Variants in STX1B observed in about 807,000 individuals in gnomAD.
The protein encoded by STX1B is syntaxin 1B.
In STX1B, 7 loss-of-function variants were observed where a neutral mutation model predicts 39.4. That is an observed-to-expected ratio of 0.18 (90% CI 0.10 to 0.33). The LOEUF (loss-of-function observed/expected upper bound fraction) is 0.33. Ranked by LOEUF, STX1B falls within the 10% of genes least tolerant of loss-of-function variation. STX1B has a pLI of 1.00. For missense variants in STX1B, 198 were observed against 383.2 expected, an observed-to-expected ratio of 0.52 and a Z score of 4.04; for synonymous variants, 136 against 144.1, an observed-to-expected ratio of 0.94 and a Z score of 0.40.
In STX1B at chr16:30,992,707, C is replaced by T; in HGVS notation, c.*114G>A. ...GGGTCTGCCGTGGGGGTGGGGCTGC[C>T]TGGGTCTGTTTTGGGAGTGAGCCTG... On this transcript the variant is annotated 3_prime_UTR_variant, in exon 10 of 10. Coordinates refer to ENST00000215095, the MANE Select transcript of STX1B (RefSeq NM_052874.5). 1.1e-5 allele frequency: 3 copies of T among 270,280 alleles called. No homozygotes were observed. Among genetic ancestry groups the T allele is most frequent in the Non-Finnish European group, 6.6e-6 (1 of 152,448 alleles). 16.7% of individuals were successfully genotyped at this position (270,280 alleles called of 1,614,324 possible). A position where few individuals can be genotyped will look rare whatever the true frequency, so the allele number is the denominator to read the frequency against.
At chr16:31,003,113 TG>T (rs997798994) in intron 1 of STX1B, among the ~76,000 whole-genome samples, 1 of 152,100 alleles carries the variant, frequency 6.6e-6, no homozygotes, top group Non-Finnish European at 1.5e-5. Flanking sequence ...CAGCACAGCC[TG>T]GGGGGCCTCC....
At chr16:30,993,979 T>G (rs2056577058) in intron 7 of STX1B, among the ~76,000 whole-genome samples, 1 of 132,256 alleles carries the variant, frequency 7.6e-6, no homozygotes, top group South Asian at 2.4e-4. Flanking sequence ...AGAGTGAAAT[T>G]CCATCTCAAA....
chr16:31,001,485 T>TGATGGG lies in STX1B; in HGVS notation c.105+43_105+44insCCCATC, dbSNP rs1567379613. ...GGTGGGACTAGGGGCTGGGGCTGGG[T>TGATGGG]GCTGGGGCTGGGGCTGGGGCTGGGG... On this transcript the variant is annotated intron_variant, in intron 2 of 9. Coordinates refer to ENST00000215095, the MANE Select transcript of STX1B (RefSeq NM_052874.5). The surrounding 1 kb of genome is among the most constrained non-coding windows in gnomAD (Gnocchi z 5.5). 1.5e-6 allele frequency: 2 copies of TGATGGG among 1,366,092 alleles called. No individual in the cohort carries two copies. Among genetic ancestry groups the TGATGGG allele is most frequent in the Non-Finnish European group, 2.0e-6 (2 of 1,017,004 alleles). 84.6% of individuals were successfully genotyped at this position (1,366,092 alleles called of 1,614,324 possible).
chr16:31,000,000 C>CT (rs957640442), intron 4 of STX1B, among the ~76,000 whole-genome samples: 5,600 of 140,644 alleles, frequency 0.04, 215 homozygotes, highest in African/African-American at 0.1. Context: ...TGGCAAAGTT[C>CT]TTTTTTTTTT....
chr16:30,994,600 AAAAG>A (rs1380236157), intron 7 of STX1B, among the ~76,000 whole-genome samples: 2 of 139,386 alleles, frequency 1.4e-5, no homozygotes, highest in Non-Finnish European at 3.1e-5. Context: ...AAAAAAAAAA[AAAAG>A]AAAGCCAGTG....
At chr16:31,007,935 G>A (rs938856243) in intron 1 of STX1B, among the ~76,000 whole-genome samples, 1 of 152,180 alleles carries the variant, frequency 6.6e-6, no homozygotes, top group African/African-American at 2.4e-5. Context: ...CTTGCCCAAG[G>A]TCTCACAGGA....
intron 1 of STX1B, among the ~76,000 whole-genome samples, chr16:31,008,313 A>G (rs1209717824): frequency 7.7e-6 from 1 of 130,340 alleles, no homozygotes; most frequent in East Asian, 2.4e-4. Context: ...CAGCCCCTTC[A>G]CCCTTCCACA....
chr16:30,994,463 G>A (rs190377084), intron 7 of STX1B, among the ~76,000 whole-genome samples: 86 of 147,562 alleles, frequency 5.8e-4, no homozygotes, highest in African/African-American at 2.1e-3. Flanking sequence ...GCATGGTGGC[G>A]CCTGTGGTCC....
At chr16:30,994,592 A>T (rs1291066914) in intron 7 of STX1B, among the ~76,000 whole-genome samples, 7 of 144,428 alleles carry the variant, frequency 4.8e-5, no homozygotes, top group African/African-American at 1.8e-4. Context: ...CATGCTGAAA[A>T]AAAAAAAAAA....
intron 1 of STX1B, among the ~76,000 whole-genome samples, chr16:31,005,053 G>A (rs1041466736): frequency 1.3e-5 from 2 of 152,192 alleles, no homozygotes; most frequent in East Asian, 3.8e-4. Context: ...GAAGAGCTTG[G>A]ACAGGAGGCC....
intron 9 of STX1B, 58 bp from the exon 10 acceptor site, chr16:30,992,959 G>A (rs1319232946): frequency 6.8e-7 from 1 of 1,475,422 alleles, no homozygotes; most frequent in Non-Finnish European, 9.5e-7. Flanking sequence ...CACACGGACA[G>A]ATGCAGGGAC....
intron 4 of STX1B, among the ~76,000 whole-genome samples, chr16:30,998,516 C>T (rs970571123): frequency 1.3e-5 from 2 of 152,194 alleles, no homozygotes; most frequent in South Asian, 2.1e-4. Context: ...GGGTCAAGTC[C>T]GGAGGGAGGG....
rs965073699 is a variant in STX1B at position 31,001,101 on chromosome 16, T to G, written c.198A>C (p.Pro66=). The G allele has an allele frequency of 1.4e-5, 22 of 1,614,082 alleles. No homozygotes were observed. Among genetic ancestry groups the G allele is most frequent in the Non-Finnish European group, 1.3e-5 (15 of 1,180,030 alleles). ...ACCGGCAGCCACACTCACTCTCATC[T>G]GGGTTGGGTGCGGCCAGGATGGCGC... ...QHSAILAAPN[P]DEKTKQELED... The change falls in exon 3 of 10, where the codon CCA becomes CCC. Residue 66 remains proline (P), a synonymous_variant. Transcript: ENST00000215095. The surrounding 1 kb of genome is among the most constrained non-coding windows in gnomAD (Gnocchi z 5.5).
At chr16:30,999,687 C>T (rs1458403198) in intron 4 of STX1B, among the ~76,000 whole-genome samples, 1 of 152,242 alleles carries the variant, frequency 6.6e-6, no homozygotes. Context: ...GAGGCATTTG[C>T]TGGGCCCACC....
chr16:31,000,340 T>G (rs1034474059), intron 4 of STX1B, among the ~76,000 whole-genome samples: 13 of 150,770 alleles, frequency 8.6e-5, no homozygotes, highest in Admixed American at 1.3e-4. Context: ...TTGTTTTTTT[T>G]TTTTTTGTTT....
At chr16:30,993,018 A>G (rs1206797909) in intron 9 of STX1B, 112 bp downstream of exon 9, 7 of 1,324,298 alleles carry the variant, frequency 5.3e-6, no homozygotes. Flanking sequence ...AAACAGAAAC[A>G]GGAAGAGGTC....
intron 1 of STX1B, among the ~76,000 whole-genome samples, chr16:31,002,019 T>C (rs1052510630): frequency 1.3e-5 from 2 of 152,100 alleles, no homozygotes; most frequent in African/African-American, 4.8e-5. Flanking sequence ...GATCTCACTT[T>C]ACTCCTTCTC....
chr16:31,000,766 T>G (rs1350314805), intron 4 of STX1B, 162 bp downstream of exon 4: 7 of 710,774 alleles, frequency 9.8e-6, no homozygotes, highest in South Asian at 1.8e-5. Context: ...GCCCAGCTAA[T>G]TTTTGTATTT....
Position 30,997,643 on chromosome 16 carries a change from C to G in STX1B, c.281-68G>C, listed in dbSNP as rs12928868. Reference sequence around the variant, plus strand: ...ACATGGGGCGAGGGTCCGGGGCGTACGAATGGTCAACACCCCGCGGCAGCG... The same window carrying G: ...ACATGGGGCGAGGGTCCGGGGCGTAGGAATGGTCAACACCCCGCGGCAGCG... On this transcript the variant is annotated intron_variant, in intron 4 of 9. Transcript: ENST00000215095. 8,549 of 1,456,506 alleles carry G rather than the reference C, an allele frequency of 5.9e-3. 44 individuals are homozygous for G. The highest frequency in any genetic ancestry group is 7.7e-3 in the Non-Finnish European group (8,176 of 1,062,948). The allele number at this position is 1,456,506 out of a possible 1,614,324, so 90.2% of individuals were successfully genotyped here.
Sources: allele counts gnomAD v4.1 joint callset (sites outside exome capture counted in the v4.1 genomes callset), GRCh38; gene constraint gnomAD v4.1.1; non-coding constraint Gnocchi (gnomAD v3.1); transcripts MANE v1.5; gene names NCBI Gene and HGNC (gene_info 2026-07-23, HGNC 2026-07-21).